Variants in RBFOX2 observed in about 807,000 individuals in gnomAD.
RBFOX2 encodes RNA binding protein fox-1 homolog 2.
RBFOX2 carries 10 observed loss-of-function variants against 49.1 expected under a neutral mutation model. That is an observed-to-expected ratio of 0.20 (90% confidence interval 0.13 to 0.35). RBFOX2 has a LOEUF of 0.35. Among genes scored for constraint, RBFOX2 ranks in the 10% least tolerant of loss-of-function variants. RBFOX2 has a pLI of 1.00. For synonymous variants in RBFOX2, 183 were observed against 187.4 expected, an observed-to-expected ratio of 0.98 and a Z score of 0.19; for missense variants, 323 against 486.9, an observed-to-expected ratio of 0.66 and a Z score of 3.17.
intron 8 of RBFOX2, 71 bp downstream of exon 9, chr22:35,761,131 A>G: frequency 7.2e-7 from 1 of 1,393,954 alleles, no homozygotes; most frequent in Non-Finnish European, 1.0e-6. Flanking sequence ...GTACTAGGAA[A>G]AAAAAAAACA....
At chr22:35,942,323 G>C (rs2053777895), upstream of RBFOX2, among the ~76,000 whole-genome samples, 1 of 152,112 alleles carries the variant, frequency 6.6e-6, no homozygotes, top group African/African-American at 2.4e-5. Context: ...AGGAATATAA[G>C]TATATTGGGA....
intron 1 of RBFOX2, chr22:35,898,420 T>A (rs1051814620): frequency 2.1e-4 from 25 of 117,056 alleles, no homozygotes; most frequent in Non-Finnish European, 3.9e-4. Context: ...CCCACAATCC[T>A]TTTTTTTTTT....
At chr22:35,978,201 T>C (rs1184821279) in intron 1 of RBFOX2, among the ~76,000 whole-genome samples, 2 of 152,116 alleles carry the variant, frequency 1.3e-5, no homozygotes, top group East Asian at 3.9e-4. Context: ...TGGAAAGAGG[T>C]TGGCTGCATT....
intron 11 of RBFOX2, among the ~76,000 whole-genome samples, chr22:35,744,884 G>C (rs150476817): frequency 2.6e-5 from 4 of 152,248 alleles, no homozygotes; most frequent in African/African-American, 4.8e-5. Context: ...TTTATCTAAT[G>C]GCTTATCTCT....
chr22:35,941,864 T>C (rs898378182), upstream of RBFOX2, among the ~76,000 whole-genome samples: 1 of 152,230 alleles, frequency 6.6e-6, no homozygotes, highest in African/African-American at 2.4e-5. Flanking sequence ...TTAGCACTCT[T>C]CTTTATTTCC....
At chr22:35,905,541 G>A (rs1209124799) in intron 1 of RBFOX2, among the ~76,000 whole-genome samples, 2 of 152,170 alleles carry the variant, frequency 1.3e-5, no homozygotes, top group Admixed American at 6.5e-5. Flanking sequence ...GGTCTTTAAA[G>A]AAGGGAAAAT....
chr22:35,809,884 A>T (rs768096705), exon 2 of RBFOX2: 2 of 1,614,024 alleles, frequency 1.2e-6, no homozygotes, highest in Admixed American at 3.3e-5. Flanking sequence ...TGGCCGGCAT[A>T]GTCTTGAGTG....
intron 2 of RBFOX2, among the ~76,000 whole-genome samples, chr22:35,803,834 G>A (rs1427119616): frequency 6.6e-6 from 1 of 152,052 alleles, no homozygotes; most frequent in Non-Finnish European, 1.5e-5. Flanking sequence ...AAGAAGGAGT[G>A]AACTGAAAAA....
intron 8 of RBFOX2, 63 bp downstream of exon 9, chr22:35,761,139 A>C: frequency 1.5e-5 from 22 of 1,430,554 alleles, no homozygotes; most frequent in Non-Finnish European, 2.1e-5. Context: ...AAAAAAAAAA[A>C]CAGTACATGA....
chr22:35,994,275 T>G (rs2058095067), intron 1 of RBFOX2: 1 of 152,084 alleles, frequency 6.6e-6, no homozygotes. Flanking sequence ...TTTTAAAACA[T>G]ACTCAATATT....
chr22:35,847,859 G>A (rs1474838895), intron 1 of RBFOX2, among the ~76,000 whole-genome samples: 1 of 151,886 alleles, frequency 6.6e-6, no homozygotes, highest in African/African-American at 2.4e-5. Context: ...AAAAATTGGG[G>A]GTGGAAAATT....
intron 1 of RBFOX2, among the ~76,000 whole-genome samples, chr22:35,845,830 A>G (rs539309379): frequency 1.2e-3 from 186 of 152,278 alleles, no homozygotes; most frequent in South Asian, 6.0e-3. Flanking sequence ...CATGCCACGA[A>G]TATGCCATGC....
intron 1 of RBFOX2, among the ~76,000 whole-genome samples, chr22:35,961,360 G>C (rs1406866118): frequency 6.6e-6 from 1 of 152,120 alleles, no homozygotes; most frequent in Non-Finnish European, 1.5e-5. Context: ...TTAAATAAAT[G>C]TCTTCTTTCA....
chr22:35,955,626 T>C (rs1006305914), intron 1 of RBFOX2, among the ~76,000 whole-genome samples: 2 of 152,094 alleles, frequency 1.3e-5, no homozygotes, highest in African/African-American at 4.8e-5. Flanking sequence ...ACAGGCAACC[T>C]AGATCCCTCG....
chr22:35,963,533 G>A (rs115728634), upstream of RBFOX2, among the ~76,000 whole-genome samples: 348 of 152,240 alleles, frequency 2.3e-3, 1 homozygote, highest in African/African-American at 8.2e-3. Context: ...TTCTGAGAGT[G>A]CCCATCAACT....
At chr22:35,847,941 C>A (rs1272939101) in intron 1 of RBFOX2, among the ~76,000 whole-genome samples, 2 of 152,066 alleles carry the variant, frequency 1.3e-5, no homozygotes, top group South Asian at 4.1e-4. Flanking sequence ...AATTTCTGAA[C>A]AGGAACTCTT....
chr22:35,876,756 G>A (rs1224182929), intron 1 of RBFOX2, among the ~76,000 whole-genome samples: 1 of 147,768 alleles, frequency 6.8e-6, no homozygotes, highest in Non-Finnish European at 1.5e-5. Context: ...ATAAATGATG[G>A]CTGTGTTTCT....
chr22:35,752,896 C>T (rs1462889176), intron 9 of RBFOX2, among the ~76,000 whole-genome samples: 2 of 152,184 alleles, frequency 1.3e-5, no homozygotes, highest in Non-Finnish European at 2.9e-5. Context: ...CTAGCTGCCA[C>T]ACTCCCAAAT....
exon 1 of RBFOX2, among the ~76,000 whole-genome samples, chr22:36,028,603 T>C (rs893391510): frequency 8.7e-5 from 13 of 149,084 alleles, no homozygotes; most frequent in East Asian, 2.0e-4. Context: ...CGCCGCTCCT[T>C]GCCTGACCGC....
Sources: gnomAD v4.1 joint callset for allele counts (sites outside exome capture counted in the v4.1 genomes callset) on GRCh38, gnomAD v4.1.1 for gene constraint, MANE v1.5 for transcripts, NCBI Gene and HGNC (gene_info 2026-07-23, HGNC 2026-07-21) for gene names.